The following SGCZ variants were observed in gnomAD, a reference collection of about 807,000 sequenced individuals.
SGCZ encodes sarcoglycan zeta, also known as zeta-sarcoglycan.
Under a neutral mutation model 41.3 loss-of-function variants are expected in SGCZ, and 40 were observed. That is an observed-to-expected ratio of 0.97 (90% confidence interval 0.75 to 1.26). SGCZ has a LOEUF of 1.26. SGCZ is among the 50% of genes most tolerant of loss of function. SGCZ has a pLI of 0.00. For missense variants in SGCZ, 552 were observed against 369.8 expected (o/e 1.49, Z -4.04); for synonymous variants, 206 against 137.5 (o/e 1.50, Z -3.49).
chr8:14,659,119 T>C (rs1807667834), intron 1 of SGCZ, among the ~76,000 whole-genome samples: 1 of 152,188 alleles, frequency 6.6e-6, no homozygotes, highest in African/African-American at 2.4e-5. Context: ...TAAATCAAGT[T>C]TAAAGTTTAG....
chr8:14,309,422 C>G (rs1479727602), intron 3 of SGCZ: 9 of 1,606,628 alleles, frequency 5.6e-6, no homozygotes, highest in Non-Finnish European at 8.5e-7. Context: ...AGAGACACTT[C>G]TGTGCCTTAT....
intron 1 of SGCZ, among the ~76,000 whole-genome samples, chr8:14,675,462 T>C (rs941670787): frequency 2.0e-5 from 3 of 152,160 alleles, no homozygotes; most frequent in Non-Finnish European, 4.4e-5. Context: ...GCTCTATACA[T>C]TAAAATCACA....
chr8:14,471,463 T>C (rs1417635167), intron 2 of SGCZ, among the ~76,000 whole-genome samples: 2 of 152,094 alleles, frequency 1.3e-5, no homozygotes, highest in African/African-American at 4.8e-5. Flanking sequence ...ATATGAATGA[T>C]ACAACATCCA....
chr8:15,000,149 G>A (rs1332159014), intron 1 of SGCZ, among the ~76,000 whole-genome samples: 1 of 152,076 alleles, frequency 6.6e-6, no homozygotes, highest in East Asian at 1.9e-4. Flanking sequence ...TCATATGATG[G>A]GACGGCAGGA....
At chr8:14,166,334 G>C (rs140219167) in intron 4 of SGCZ, among the ~76,000 whole-genome samples, 3 of 152,026 alleles carry the variant, frequency 2.0e-5, no homozygotes, top group East Asian at 3.9e-4. Context: ...ACATTATTTC[G>C]ACAGCTTGTA....
At chr8:14,401,112 C>T (rs933895902) in intron 2 of SGCZ, among the ~76,000 whole-genome samples, 1 of 152,066 alleles carries the variant, frequency 6.6e-6, no homozygotes, top group African/African-American at 2.4e-5. Context: ...AGATACAGCT[C>T]CATTTACACT....
At chr8:14,419,229 G>A (rs1489778568) in intron 2 of SGCZ, among the ~76,000 whole-genome samples, 18 of 151,898 alleles carry the variant, frequency 1.2e-4, no homozygotes, top group Admixed American at 1.2e-3. Context: ...AGGCAAGTTA[G>A]CTAATGTGGC....
intron 1 of SGCZ, among the ~76,000 whole-genome samples, chr8:14,863,679 G>A (rs1458458715): frequency 6.6e-6 from 1 of 152,128 alleles, no homozygotes; most frequent in East Asian, 1.9e-4. Flanking sequence ...TCTAAGAACA[G>A]ATATTATTAT....
chr8:14,581,453 T>G (rs918975725), intron 1 of SGCZ, among the ~76,000 whole-genome samples: 27 of 151,904 alleles, frequency 1.8e-4, no homozygotes, highest in African/African-American at 6.5e-4. Context: ...TTTTTTGTTT[T>G]TTTTTTTCCC....
chr8:14,244,475 A>G (rs954609771), intron 3 of SGCZ, among the ~76,000 whole-genome samples: 1 of 152,214 alleles, frequency 6.6e-6, no homozygotes, highest in South Asian at 2.1e-4. Flanking sequence ...TACCAGTACC[A>G]TGCTGTTTTG....
chr8:14,407,692 C>T (rs1414406191), intron 2 of SGCZ, among the ~76,000 whole-genome samples: 1 of 152,076 alleles, frequency 6.6e-6, no homozygotes, highest in African/African-American at 2.4e-5. Context: ...CTGAGAAAGG[C>T]TGTCAATATG....
chr8:14,796,493 T>C (rs1378437327), intron 1 of SGCZ, among the ~76,000 whole-genome samples: 1 of 152,180 alleles, frequency 6.6e-6, no homozygotes, highest in Non-Finnish European at 1.5e-5. Context: ...TTATGAACAC[T>C]TTTGAAACAT....
At chr8:14,675,340 C>G (rs529790807) in intron 1 of SGCZ, among the ~76,000 whole-genome samples, 15 of 151,902 alleles carry the variant, frequency 9.9e-5, no homozygotes, top group South Asian at 2.1e-4. Context: ...AATACCGAAA[C>G]AAACATTTCT....
At chr8:14,784,987 ATT>A (rs1491505820) in intron 1 of SGCZ, among the ~76,000 whole-genome samples, 1 of 141,258 alleles carries the variant, frequency 7.1e-6, no homozygotes, top group Admixed American at 7.4e-5. Flanking sequence ...TTTTTTATAT[ATT>A]ATATATATAT....
rs76046944 is a variant in SGCZ, at chr8:14,770,886, A to G, written c.40-215960T>C. On this transcript the variant is annotated intron_variant, in intron 1 of 7. Coordinates refer to ENST00000382080, the MANE Select transcript of SGCZ (RefSeq NM_139167.4). ...AAGGCAAGGCATCAAAACAGAATTT[A>G]AAAAAACAATAAATATGCTGTCAAT... Among the ~76,000 whole-genome samples, 722 of 152,206 alleles carry G rather than the reference A, an allele frequency of 4.7e-3. 5 individuals carry two copies. The highest frequency in any genetic ancestry group is 0.02 in the Middle Eastern group (6 of 294).
chr8:15,146,580 T>C (rs1276513212), intron 1 of SGCZ, among the ~76,000 whole-genome samples: 2 of 152,194 alleles, frequency 1.3e-5, no homozygotes, highest in Non-Finnish European at 2.9e-5. Flanking sequence ...GTTTCAGTAG[T>C]GTATTCTGTT....
chr8:14,612,927 C>A (rs539244374), intron 1 of SGCZ, among the ~76,000 whole-genome samples: 11 of 152,308 alleles, frequency 7.2e-5, no homozygotes, highest in African/African-American at 2.6e-4. Context: ...CTCAGGCTAT[C>A]CACTTGCCTC....
chr8:14,372,885 T>G, intron 2 of SGCZ, among the ~76,000 whole-genome samples: 1 of 152,112 alleles, frequency 6.6e-6, no homozygotes, highest in East Asian at 1.9e-4. Flanking sequence ...ACTTAGTAGT[T>G]AATTGTAAAG....
intron 1 of SGCZ, among the ~76,000 whole-genome samples, chr8:14,796,708 G>A (rs1054049246): frequency 6.6e-6 from 1 of 152,162 alleles, no homozygotes; most frequent in Non-Finnish European, 1.5e-5. Context: ...GGTAACAGAT[G>A]TCAAAACTGT....
Sources: allele counts gnomAD v4.1 joint callset (sites outside exome capture counted in the v4.1 genomes callset), GRCh38; gene constraint gnomAD v4.1.1; transcripts MANE v1.5; gene names NCBI Gene and HGNC (gene_info 2026-07-23, HGNC 2026-07-21).